Variants in GALNT13 observed in about 807,000 individuals in gnomAD.
GALNT13 encodes the protein polypeptide N-acetylgalactosaminyltransferase 13.
Under a neutral mutation model 64.2 loss-of-function variants are expected in GALNT13, and 28 were observed. The observed-to-expected ratio is 0.44, with a 90% CI of 0.32 to 0.60. The LOEUF is 0.60. Among genes scored for constraint, GALNT13 ranks in the 20% least tolerant of loss-of-function variants. The pLI is 0.05. For missense variants in GALNT13, 577 were observed against 669.8 expected (o/e 0.86, Z 1.53); for synonymous variants, 214 against 224.6 (o/e 0.95, Z 0.42).
chr2:153,843,195 GC>G, the GALNT13 span, among the ~76,000 whole-genome samples: 1 of 152,224 alleles, frequency 6.6e-6, no homozygotes, highest in Non-Finnish European at 1.5e-5. Context: ...TCATGAGTCT[GC>G]AGGCTTTACA....
chr2:153,256,510 G>A, the GALNT13 span, among the ~76,000 whole-genome samples: 6 of 152,324 alleles, frequency 3.9e-5, no homozygotes, highest in South Asian at 1.0e-3. Flanking sequence ...TTGCTGGTGA[G>A]GAACTGCGTT....
the GALNT13 span, among the ~76,000 whole-genome samples, chr2:153,225,476 G>A: frequency 6.6e-6 from 1 of 152,116 alleles, no homozygotes; most frequent in African/African-American, 2.4e-5. Flanking sequence ...CACCCTTGTA[G>A]TATGGGTAGT....
At chr2:153,129,737 T>G in the GALNT13 span, among the ~76,000 whole-genome samples, 1 of 151,666 alleles carries the variant, frequency 6.6e-6, no homozygotes, top group Non-Finnish European at 1.5e-5. Context: ...GCCACTGCAC[T>G]CCAGCCTGGT....
chr2:154,272,730 G>T (rs965928935), intron 8 of GALNT13, among the ~76,000 whole-genome samples: 1 of 151,980 alleles, frequency 6.6e-6, no homozygotes, highest in Non-Finnish European at 1.5e-5. Flanking sequence ...TTATCCTGCT[G>T]ATTTACATTT....
chr2:153,407,456 T>C, the GALNT13 span, among the ~76,000 whole-genome samples: 1 of 152,208 alleles, frequency 6.6e-6, no homozygotes, highest in Non-Finnish European at 1.5e-5. Flanking sequence ...GCAGGAAATT[T>C]GGGGCATTAG....
At chr2:154,297,154 A>C (rs1212370803) in intron 8 of GALNT13, among the ~76,000 whole-genome samples, 1 of 151,680 alleles carries the variant, frequency 6.6e-6, no homozygotes, top group Non-Finnish European at 1.5e-5. Context: ...TGCAATGAGA[A>C]ACCATTCAAG....
At chr2:153,939,894 G>A (rs944524324) in intron 2 of GALNT13, among the ~76,000 whole-genome samples, 2 of 152,102 alleles carry the variant, frequency 1.3e-5, no homozygotes, top group African/African-American at 4.8e-5. Flanking sequence ...AAACATTTAA[G>A]GAACTTGAAT....
chr2:154,105,660 A>G (rs1702575568), intron 3 of GALNT13, among the ~76,000 whole-genome samples: 1 of 152,188 alleles, frequency 6.6e-6, no homozygotes, highest in Non-Finnish European at 1.5e-5. Context: ...TATTTATAAT[A>G]AACTTTGACA....
At chr2:153,342,021 T>G in the GALNT13 span, among the ~76,000 whole-genome samples, 13 of 152,326 alleles carry the variant, frequency 8.5e-5, no homozygotes, top group African/African-American at 3.1e-4. Context: ...AACTTTAACC[T>G]GTCTGGGTAA....
the GALNT13 span, among the ~76,000 whole-genome samples, chr2:153,653,496 C>T: frequency 6.6e-6 from 1 of 152,124 alleles, no homozygotes. Flanking sequence ...TTTTAGAATA[C>T]TTACTAAAAT....
At chr2:154,186,949 G>A (rs1252904286) in intron 4 of GALNT13, among the ~76,000 whole-genome samples, 3 of 151,890 alleles carry the variant, frequency 2.0e-5, no homozygotes, top group Non-Finnish European at 4.4e-5. Flanking sequence ...CATTAAGTCT[G>A]AGTAGAAATA....
chr2:153,318,943 C>T, the GALNT13 span, among the ~76,000 whole-genome samples: 2 of 152,094 alleles, frequency 1.3e-5, no homozygotes, highest in Admixed American at 1.3e-4. Context: ...TAATTTTAGA[C>T]ATTTTATCAA....
At chr2:153,455,129 T>C in the GALNT13 span, among the ~76,000 whole-genome samples, 1 of 152,230 alleles carries the variant, frequency 6.6e-6, no homozygotes, top group Non-Finnish European at 1.5e-5. Flanking sequence ...TTCTTTTCTT[T>C]GTTTTAGGTG....
At chr2:153,172,702 C>T in the GALNT13 span, among the ~76,000 whole-genome samples, 1 of 152,126 alleles carries the variant, frequency 6.6e-6, no homozygotes, top group Non-Finnish European at 1.5e-5. Context: ...CACAAAATCA[C>T]GTGGTACAAA....
At chr2:153,434,962 G>A in the GALNT13 span, among the ~76,000 whole-genome samples, 1 of 152,104 alleles carries the variant, frequency 6.6e-6, no homozygotes, top group East Asian at 1.9e-4. Flanking sequence ...TATGGTTTTA[G>A]GTCTAACCTG....
the GALNT13 span, among the ~76,000 whole-genome samples, chr2:153,727,641 A>G: frequency 2.0e-5 from 3 of 152,044 alleles, no homozygotes; most frequent in Admixed American, 6.6e-5. Flanking sequence ...TCCATTTTCT[A>G]TTTTAGCTAT....
chr2:153,590,035 A>C, the GALNT13 span, among the ~76,000 whole-genome samples: 11 of 152,346 alleles, frequency 7.2e-5, no homozygotes, highest in African/African-American at 1.9e-4. Flanking sequence ...GAGACCAAAA[A>C]ATACAAAAAG....
chr2:154,055,271 A>G (rs1223714245), intron 3 of GALNT13, among the ~76,000 whole-genome samples: 1 of 152,042 alleles, frequency 6.6e-6, no homozygotes, highest in Non-Finnish European at 1.5e-5. Flanking sequence ...CTTCACCTTC[A>G]GGCATGTTTT....
chr2:154,063,128 A>G (rs1574433477), intron 3 of GALNT13, among the ~76,000 whole-genome samples: 1 of 151,992 alleles, frequency 6.6e-6, no homozygotes, highest in East Asian at 1.9e-4. Context: ...TTCTGCAGCA[A>G]ATATGTATTT....
Sources: gnomAD v4.1 joint callset for allele counts (sites outside exome capture counted in the v4.1 genomes callset) on GRCh38, gnomAD v4.1.1 for gene constraint, MANE v1.5 for transcripts, NCBI Gene and HGNC (gene_info 2026-07-23, HGNC 2026-07-21) for gene names.